The following BIN1 variants were observed in gnomAD, a reference collection of about 807,000 sequenced individuals.
BIN1 encodes myc box-dependent-interacting protein 1.
A neutral mutation model predicts 82.0 loss-of-function variants in BIN1; 53 were observed. That is an observed-to-expected ratio of 0.65 (90% CI 0.52 to 0.81). BIN1 has a LOEUF of 0.81. Among genes scored for constraint, BIN1 ranks in the 40% least tolerant of loss-of-function variants. BIN1 has a pLI of 0.00. For missense variants in BIN1, 642 were observed against 784.4 expected (o/e 0.82, Z 2.17); for synonymous variants, 302 against 328.0 (o/e 0.92, Z 0.86).
intron 1 of BIN1, among the ~76,000 whole-genome samples, chr2:127,084,092 A>G (rs1314919500): frequency 1.3e-5 from 2 of 152,198 alleles, no homozygotes; most frequent in Non-Finnish European, 2.9e-5. Context: ...TTTGCTATTC[A>G]GTGTGAGGTC....
At chr2:127,089,772 G>GC (rs1243994009) in intron 1 of BIN1, among the ~76,000 whole-genome samples, 1 of 152,118 alleles carries the variant, frequency 6.6e-6, no homozygotes, top group Non-Finnish European at 1.5e-5. Context: ...AGCAGGCCCA[G>GC]GCTGTGCAGC....
intron 14 of BIN1, 59 bp downstream of exon 14, chr2:127,053,363 G>C: frequency 1.2e-6 from 2 of 1,605,254 alleles, no homozygotes; most frequent in South Asian, 2.2e-5. Context: ...TGTGGGCCTG[G>C]ACACATACGG....
At chr2:127,051,381 C>T in intron 15 of BIN1, 138 bp from the exon 16 acceptor site, 1 of 856,926 alleles carries the variant, frequency 1.2e-6, no homozygotes, top group South Asian at 1.4e-5. Context: ...TAGAGCTGCC[C>T]AGTGCCTCGA....
At chr2:127,073,886 G>A (rs1686247773) in intron 2 of BIN1, among the ~76,000 whole-genome samples, 1 of 152,148 alleles carries the variant, frequency 6.6e-6, no homozygotes, top group African/African-American at 2.4e-5. Context: ...TCTGGGGGAG[G>A]GGCAAGCAGG....
chr2:127,059,586 GC>G lies in BIN1; in HGVS notation c.858-432del, dbSNP rs1431829292. ...TGAGTCTCCCACACCACACGCAGCA[GC>G]CCCTCTGTTCTGGGGTCTGCTCCCC... On this transcript the variant is annotated intron_variant, in intron 10 of 18. Transcript: ENST00000316724. The surrounding 1 kb of genome is among the most constrained non-coding windows in gnomAD (Gnocchi z 6.7). Among the ~76,000 whole-genome samples, 1 of 152,120 alleles carries G rather than the reference GC, an allele frequency of 6.6e-6. No individual in the cohort carries two copies. Among genetic ancestry groups the G allele is most frequent in the African/African-American group, 2.4e-5 (1 of 41,414 alleles).
chr2:127,101,162 T>C (rs1244432574), intron 1 of BIN1, among the ~76,000 whole-genome samples: 1 of 152,068 alleles, frequency 6.6e-6, no homozygotes, highest in Non-Finnish European at 1.5e-5. Context: ...CCATCCTCCA[T>C]CCTGGACAGG....
chr2:127,050,394 G>A (rs377599745), intron 18 of BIN1, 27 bp downstream of exon 18: 26 of 1,612,238 alleles, frequency 1.6e-5, no homozygotes, highest in South Asian at 6.6e-5. Flanking sequence ...GTCCCCCTGC[G>A]CTCTGGCGGC....
chr2:127,101,002 GGGGT>G lies in BIN1; in HGVS notation c.84+5854_84+5857del, dbSNP rs765180480. Among the ~76,000 whole-genome samples the G allele has an allele frequency of 1.3e-4, 18 of 139,554 alleles. 2 individuals carry two copies. Among genetic ancestry groups the G allele is most frequent in the Non-Finnish European group, 2.7e-4 (17 of 63,696 alleles). 91.6% of individuals were successfully genotyped at this position (139,554 alleles called of 152,430 possible). A position where few individuals can be genotyped will look rare whatever the true frequency, so the allele number is the denominator to read the frequency against. On this transcript the variant is annotated intron_variant, in intron 1 of 18. Transcript: ENST00000316724. ...CTTGCCCAAGGGTAGGAATGTGCGG[GGGGT>G]GGGGATAGACTCAAACTCAGCTGTC...
rs776171389 is a variant in BIN1 at position 127,106,844 on chromosome 2, G to C, written c.84+16C>G. 1.1e-5 allele frequency: 17 copies of C among 1,587,776 alleles called. No homozygotes were observed. The East Asian group carries it at 3.7e-4, about 35-fold the overall frequency. ...CGGCTGGGACTCCGCGGCTGCTGGG[G>C]CTCCGGCTCGCTCACCTTCTCCTGC... is the stretch of plus-strand genomic sequence containing the variant. On this transcript the variant is annotated intron_variant, in intron 1 of 18. Coordinates refer to ENST00000316724, the MANE Select transcript of BIN1 (RefSeq NM_139343.3).
intron 15 of BIN1, among the ~76,000 whole-genome samples, chr2:127,051,968 G>A (rs549508309): frequency 6.6e-6 from 1 of 152,394 alleles, no homozygotes; most frequent in East Asian, 1.9e-4. Context: ...GAAGATTCTG[G>A]AAAGTGCCTG....
chr2:127,106,101 C>G (rs967426114), intron 1 of BIN1, among the ~76,000 whole-genome samples: 4 of 152,336 alleles, frequency 2.6e-5, no homozygotes, highest in Middle Eastern at 3.4e-3. Context: ...TGGCGCCTTC[C>G]ACGCGCCTCC....
Position 127,068,359 on chromosome 2 carries a change from CG to C in BIN1, c.520-105del. 2 of 876,620 alleles carry C rather than the reference CG, an allele frequency of 2.3e-6. No homozygotes were observed. The highest frequency in any genetic ancestry group is 3.6e-6 in the Non-Finnish European group (2 of 558,534). The allele number at this position is 876,620 out of a possible 1,614,324, so 54.3% of individuals were successfully genotyped here. ...AATGCAGGTCCACACGCCCCACGCG[CG>C]GGGGCCACCCCAAGCAGATATGGGC... On this transcript the variant is annotated intron_variant, in intron 6 of 18. Transcript: ENST00000316724. This position sits in a 1 kb window ranked among gnomAD's most constrained non-coding sequence, Gnocchi z 4.9.
At chr2:127,086,060 G>A (rs924812265) in intron 1 of BIN1, among the ~76,000 whole-genome samples, 3 of 152,138 alleles carry the variant, frequency 2.0e-5, no homozygotes, top group Non-Finnish European at 4.4e-5. Context: ...CTCCTCCAAG[G>A]ACTCACCTTG....
chr2:127,077,216 C>T (rs6704659), intron 1 of BIN1, among the ~76,000 whole-genome samples: 27,509 of 152,140 alleles, frequency 0.18, 2,655 homozygotes, highest in South Asian at 0.25. Context: ...AGGAGGGCAG[C>T]GAGCGGTGGC....
intron 2 of BIN1, 36 bp downstream of exon 2, chr2:127,076,588 TCA>T: frequency 6.2e-7 from 1 of 1,613,594 alleles, no homozygotes; most frequent in Non-Finnish European, 8.5e-7. Flanking sequence ...AGCCGAATTT[TCA>T]CAAACTCCCT....
chr2:127,053,319 TG>T, intron 14 of BIN1, 102 bp downstream of exon 14: 1 of 1,504,056 alleles, frequency 6.6e-7, no homozygotes, highest in Non-Finnish European at 9.2e-7. Flanking sequence ...GGGGGGTGTG[TG>T]GGGTGCATGC....
In BIN1 at chr2:127,068,918, C is replaced by T; in HGVS notation, c.519+6G>A. The stretch of plus-strand genomic sequence containing the variant: ...GACGCTGCCCCGACCCGCCTCCAGC[C>T]CTTACCTTGGCAATTTTGGCTTCAT... On this transcript the variant is annotated splice_donor_region_variant and intron_variant, in intron 6 of 18. Coordinates refer to ENST00000316724, the MANE Select transcript of BIN1 (RefSeq NM_139343.3). The surrounding 1 kb of genome is among the most constrained non-coding windows in gnomAD (Gnocchi z 4.9). 1 of 1,613,582 alleles carries T rather than the reference C, an allele frequency of 6.2e-7. No individual in the cohort carries two copies. The highest frequency in any genetic ancestry group is 8.5e-7 in the Non-Finnish European group (1 of 1,179,492).
chr2:127,062,692 CG>C (rs1684659713), intron 9 of BIN1, among the ~76,000 whole-genome samples: 1 of 152,130 alleles, frequency 6.6e-6, no homozygotes, highest in African/African-American at 2.4e-5. Flanking sequence ...AGCTCAGAGC[CG>C]AATCTTCATC....
intron 1 of BIN1, among the ~76,000 whole-genome samples, chr2:127,102,670 T>TG (rs1352589242): frequency 2.0e-5 from 3 of 152,168 alleles, no homozygotes; most frequent in Non-Finnish European, 2.9e-5. Context: ...CCTGGGGGAT[T>TG]GGGGAAGTCT....
Sources: allele counts gnomAD v4.1 joint callset (sites outside exome capture counted in the v4.1 genomes callset), GRCh38; gene constraint gnomAD v4.1.1; non-coding constraint Gnocchi (gnomAD v3.1); transcripts MANE v1.5; gene names NCBI Gene and HGNC (gene_info 2026-07-23, HGNC 2026-07-21).